The following KCNN2 variants were observed in gnomAD, a reference collection of about 807,000 sequenced individuals.
KCNN2 encodes the protein potassium calcium-activated channel subfamily N member 2, also known as small conductance calcium-activated potassium channel protein 2.
In KCNN2, 24 loss-of-function variants were observed where a neutral mutation model predicts 55.5. That is an observed-to-expected ratio of 0.43 (90% CI 0.31 to 0.61). The LOEUF is 0.61. Ranked by LOEUF, KCNN2 falls within the 20% of genes least tolerant of loss-of-function variation. The pLI is 0.08. For synonymous variants in KCNN2, 431 were observed against 336.1 expected (o/e 1.28, Z -3.09); for missense variants, 754 against 853.6 (o/e 0.88, Z 1.45).
intron 2 of KCNN2, among the ~76,000 whole-genome samples, chr5:114,309,957 G>A (rs761663074): frequency 3.3e-5 from 5 of 152,150 alleles, no homozygotes; most frequent in Non-Finnish European, 7.4e-5. Flanking sequence ...TGTCCTTCAG[G>A]TTTCAACCCA....
chr5:114,262,846 G>C (rs1755135310), intron 2 of KCNN2, among the ~76,000 whole-genome samples: 1 of 151,902 alleles, frequency 6.6e-6, no homozygotes, highest in South Asian at 2.1e-4. Context: ...GACCTTCCTG[G>C]GCTTCAGTCC....
At chr5:114,379,531 AT>A in intron 2 of KCNN2, among the ~76,000 whole-genome samples, 1 of 91,868 alleles carries the variant, frequency 1.1e-5, no homozygotes, top group African/African-American at 5.5e-5. Context: ...ATTATATAAC[AT>A]ATTATATATT....
At chr5:114,230,256 G>A (rs945841575) in intron 2 of KCNN2, among the ~76,000 whole-genome samples, 3 of 148,424 alleles carry the variant, frequency 2.0e-5, no homozygotes, top group African/African-American at 7.5e-5. Flanking sequence ...GACCCAAGGG[G>A]TAGTGATATT....
At chr5:114,406,792 C>T (rs1165500598) in intron 3 of KCNN2, among the ~76,000 whole-genome samples, 1 of 152,058 alleles carries the variant, frequency 6.6e-6, no homozygotes, top group African/African-American at 2.4e-5. Context: ...CCCCATTTCA[C>T]CCTCTTTCTT....
intron 2 of KCNN2, among the ~76,000 whole-genome samples, chr5:114,326,015 A>G (rs569029043): frequency 3.3e-5 from 5 of 152,366 alleles, no homozygotes; most frequent in Admixed American, 3.3e-4. Context: ...TATTGGTGAC[A>G]TAAATCAAAA....
chr5:114,489,375 C>A (rs900294936), intron 6 of KCNN2, among the ~76,000 whole-genome samples: 6 of 152,036 alleles, frequency 3.9e-5, no homozygotes, highest in African/African-American at 1.4e-4. Context: ...GCATGTCGGC[C>A]CTTTCTTAAG....
chr5:114,230,093 T>C (rs1017477764), intron 2 of KCNN2, among the ~76,000 whole-genome samples: 2 of 152,144 alleles, frequency 1.3e-5, no homozygotes, highest in Non-Finnish European at 2.9e-5. Context: ...AGAGATTGTA[T>C]TATTTCTTTT....
In KCNN2 at chr5:114,260,066, C is replaced by G. The variant is rs142912835; in HGVS notation, c.-185+38501C>G. ...TCAGTGAGTCTTTTCTGTTCTACCT[C>G]AAAAATTATCTTTACACCATCTCCA... On this transcript the variant is annotated intron_variant, in intron 2 of 10. Transcript: ENST00000512097. Among the ~76,000 whole-genome samples the G allele has an allele frequency of 3.0e-4, 45 of 152,264 alleles. No homozygotes were observed. In the East Asian group the frequency reaches 3.3e-3, roughly 11 times the overall value.
At chr5:114,200,383 G>C (rs1024979230) in intron 1 of KCNN2, among the ~76,000 whole-genome samples, 1 of 150,384 alleles carries the variant, frequency 6.6e-6, no homozygotes, top group African/African-American at 2.4e-5. Flanking sequence ...TAAGATATCT[G>C]TCTCTTTGGT....
intron 2 of KCNN2, among the ~76,000 whole-genome samples, chr5:114,335,436 C>A (rs556709396): frequency 6.6e-6 from 1 of 152,308 alleles, no homozygotes; most frequent in South Asian, 2.1e-4. Flanking sequence ...GCATTTCTTG[C>A]ATGATGACAG....
intron 2 of KCNN2, among the ~76,000 whole-genome samples, chr5:114,295,840 T>G (rs1449027350): frequency 1.3e-5 from 2 of 152,180 alleles, no homozygotes; most frequent in African/African-American, 2.4e-5. Context: ...TTGGCCATCT[T>G]GGCTCCACCA....
At position 114,323,471 on chromosome 5, in the gene KCNN2, A is replaced by T. The variant is rs1756652334; in HGVS notation, c.-184-37474A>T. Reference sequence around the variant, plus strand: ...CTTAAGCTCTTAAATCTTTAAAGATAATAAAACTAAAAAAGTAATGAGAAA... The same window carrying T: ...CTTAAGCTCTTAAATCTTTAAAGATTATAAAACTAAAAAAGTAATGAGAAA... On this transcript the variant is annotated intron_variant, in intron 2 of 10. Coordinates refer to the KCNN2 transcript ENST00000512097. 3.3e-5 allele frequency among the ~76,000 whole-genome samples: 5 copies of T among 152,266 alleles called. 1 individual carries two copies. Among genetic ancestry groups the T allele is most frequent in the Admixed American group, 3.3e-4 (5 of 15,290 alleles).
At chr5:114,235,342 T>C (rs1465772241) in intron 2 of KCNN2, among the ~76,000 whole-genome samples, 1 of 152,236 alleles carries the variant, frequency 6.6e-6, no homozygotes. Context: ...TAAGTTTCCA[T>C]GGTTTAAAAA....
chr5:114,077,583 C>T (rs535625348), intron 1 of KCNN2, among the ~76,000 whole-genome samples: 1 of 152,274 alleles, frequency 6.6e-6, no homozygotes, highest in East Asian at 1.9e-4. Context: ...TGGTAGATGG[C>T]CCTTTTGAAG....
intron 3 of KCNN2, among the ~76,000 whole-genome samples, chr5:114,427,143 T>C (rs1580821271): frequency 1.3e-5 from 2 of 152,218 alleles, no homozygotes; most frequent in Non-Finnish European, 2.9e-5. Context: ...CTTCTCCCCC[T>C]GCACCTTCTC....
chr5:114,379,296 T>G (rs78887245), intron 2 of KCNN2, among the ~76,000 whole-genome samples: 2,603 of 152,076 alleles, frequency 0.017, 29 homozygotes, highest in Middle Eastern at 0.027. Flanking sequence ...CCCTCCTTAG[T>G]GTCCTTGGCA....
At position 114,123,514 on chromosome 5, in the gene KCNN2, C is replaced by T. The variant is rs1190812314; in HGVS notation, c.-271+67014C>T. On this transcript the variant is annotated intron_variant, in intron 1 of 10. Coordinates refer to the KCNN2 transcript ENST00000512097. ...CGTAGCTGGGACTACAGGCGCCCGC[C>T]ACCACGCCCGGCTAATTTTTTGTGT... 1.7e-5 allele frequency among the ~76,000 whole-genome samples: 2 copies of T among 119,890 alleles called. 1 individual carries two copies. The highest frequency in any genetic ancestry group is 1.6e-4 in the Admixed American group (2 of 12,694). 78.7% of individuals were successfully genotyped at this position (119,890 alleles called of 152,430 possible). A position where few individuals can be genotyped will look rare whatever the true frequency, so the allele number is the denominator to read the frequency against.
rs1466239052 is a variant in KCNN2 at position 114,496,362 on chromosome 5, G to C, written c.*180G>C. On this transcript the variant is annotated 3_prime_UTR_variant, in exon 8 of 8. Coordinates refer to ENST00000673685, the MANE Select transcript of KCNN2 (RefSeq NM_021614.4). ...GTGAAAACTCTTTTTTTTTCTTTCA[G>C]ATGCACAGGGAATGCACCTATTATT... 4.9e-6 allele frequency: 3 copies of C among 615,046 alleles called. No homozygotes were observed. The highest frequency in any genetic ancestry group is 1.8e-5 in the African/African-American group (1 of 54,248). The allele number at this position is 615,046 out of a possible 1,614,324, so 38.1% of individuals were successfully genotyped here.
chr5:114,409,332 T>TA (rs35010897), intron 3 of KCNN2, among the ~76,000 whole-genome samples: 37,544 of 151,850 alleles, frequency 0.25, 4,858 homozygotes, highest in Non-Finnish European at 0.29. Flanking sequence ...GATACAAAGA[T>TA]AAAAAAAAAT....
Sources: gnomAD v4.1 joint callset for allele counts (sites outside exome capture counted in the v4.1 genomes callset) on GRCh38, gnomAD v4.1.1 for gene constraint, MANE v1.5 for transcripts, NCBI Gene and HGNC (gene_info 2026-07-23, HGNC 2026-07-21) for gene names.